CDC14B: variants seen among roughly 807,000 people sequenced by gnomAD.
CDC14B encodes the protein dual specificity protein phosphatase CDC14B.
CDC14B carries 22 observed loss-of-function variants against 64.2 expected under a neutral mutation model. The observed-to-expected ratio is 0.34, with a 90% CI of 0.24 to 0.49. CDC14B has a LOEUF of 0.49. Among genes scored for constraint, CDC14B ranks in the 20% least tolerant of loss-of-function variants. The probability of loss-of-function intolerance (pLI) is 0.99; values close to 1 mark genes in which losing one functional copy is unlikely to be tolerated. For synonymous variants in CDC14B, 191 were observed against 215.8 expected, an observed-to-expected ratio of 0.89 and a Z score of 1.01; for missense variants, 498 against 629.9, an observed-to-expected ratio of 0.79 and a Z score of 2.24.
intron 12 of CDC14B, among the ~76,000 whole-genome samples, chr9:96,511,526 G>A (rs971474655): frequency 6.6e-6 from 1 of 152,186 alleles, no homozygotes; most frequent in South Asian, 2.1e-4. Flanking sequence ...AGCCGAGATC[G>A]TGCCACTGCA....
At chr9:96,493,909 C>A (rs966793450) in intron 13 of CDC14B, among the ~76,000 whole-genome samples, 2 of 152,218 alleles carry the variant, frequency 1.3e-5, no homozygotes, top group African/African-American at 4.8e-5. Flanking sequence ...ACCTCATCCC[C>A]GCGCTCCCAG....
chr9:96,499,020 G>C (rs1460306376), downstream of CDC14B, among the ~76,000 whole-genome samples: 2 of 152,166 alleles, frequency 1.3e-5, no homozygotes, highest in Non-Finnish European at 2.9e-5. Flanking sequence ...CCTCCAAGCC[G>C]GCCCCTTTGC....
intron 1 of CDC14B, among the ~76,000 whole-genome samples, chr9:96,577,017 C>T (rs1015400767): frequency 1.3e-5 from 2 of 152,084 alleles, no homozygotes; most frequent in African/African-American, 4.8e-5. Context: ...CTTTGGGAGG[C>T]CGAGGTGGGT....
rs543930108 is a variant in CDC14B, at chr9:96,619,325, C to G, written c.54G>C (p.Ser18=). ...CCGGCGAGGTCGACGAGCAGCGCCG[C>G]GAGCAGGGGGGCGCGGCGGCCCAGC... ...RSSWAAAPPC[S]RRCSSTSPGV... Residue 18 remains serine, a synonymous_variant, in exon 1 of 14, where the codon TCG becomes TCC. Transcript: ENST00000375241. 3.4e-5 allele frequency: 44 copies of G among 1,290,618 alleles called. No individual in the cohort carries two copies. In the African/African-American group the frequency reaches 6.7e-4, roughly 20 times the overall value. 79.9% of individuals were successfully genotyped at this position (1,290,618 alleles called of 1,614,324 possible).
intron 4 of CDC14B, among the ~76,000 whole-genome samples, chr9:96,558,178 G>C (rs1453466524): frequency 6.6e-6 from 1 of 152,218 alleles, no homozygotes; most frequent in African/African-American, 2.4e-5. Flanking sequence ...GGAGTGAAGA[G>C]AGGTTGGTTC....
At chr9:96,564,386 T>C (rs1396759214) in intron 3 of CDC14B, among the ~76,000 whole-genome samples, 1 of 152,186 alleles carries the variant, frequency 6.6e-6, no homozygotes, top group Admixed American at 6.5e-5. Flanking sequence ...CCAGCTTTCT[T>C]GTTAGTTTGC....
In CDC14B at chr9:96,523,320, C is replaced by G. The variant is rs763115306; in HGVS notation, c.1186G>C (p.Gly396Arg). ...CCATTTATGGAAATGTCATCAACGC[C>G]AGAGAGAAGTTTGGAGAAGGCTGCT... is the stretch of plus-strand genomic sequence containing the variant. Reference protein sequence around the residue: ...HRAAFSKLLSGVDDISINGVE... With the variant: ...HRAAFSKLLSRVDDISINGVE... Residue 396 changes from glycine (G) to arginine (R), a missense_variant, in exon 11 of 14, where the codon GGC becomes CGC. Gly to Arg is a moderately radical substitution (Grantham distance 125). Transcript: ENST00000375241. The G allele has an allele frequency of 5.6e-6, 9 of 1,614,148 alleles. No homozygotes were observed. In the South Asian group the frequency reaches 9.9e-5, roughly 18 times the overall value.
intron 1 of CDC14B, among the ~76,000 whole-genome samples, chr9:96,614,970 A>G (rs533154422): frequency 6.6e-6 from 1 of 152,198 alleles, no homozygotes; most frequent in African/African-American, 2.4e-5. Flanking sequence ...CCTCCCAAGT[A>G]GCTGGGACTA....
chr9:96,590,631 C>G (rs1368705884), intron 1 of CDC14B, among the ~76,000 whole-genome samples: 1 of 151,596 alleles, frequency 6.6e-6, no homozygotes, highest in African/African-American at 2.4e-5. Context: ...TCCACATCCT[C>G]GCCAACATTT....
intron 9 of CDC14B, among the ~76,000 whole-genome samples, chr9:96,524,559 G>A (rs1266105169): frequency 6.6e-6 from 1 of 152,068 alleles, no homozygotes; most frequent in African/African-American, 2.4e-5. Context: ...ATTACCTCCA[G>A]TGATGGTTAA....
intron 12 of CDC14B, among the ~76,000 whole-genome samples, chr9:96,518,020 A>G (rs989403303): frequency 6.6e-6 from 1 of 152,026 alleles, no homozygotes; most frequent in African/African-American, 2.4e-5. Context: ...GCAGTGAGGA[A>G]GGAAACCTCC....
chr9:96,549,528 G>C (rs548736255), intron 5 of CDC14B, among the ~76,000 whole-genome samples: 1 of 152,220 alleles, frequency 6.6e-6, no homozygotes, highest in African/African-American at 2.4e-5. Flanking sequence ...AGCCAGGCGT[G>C]GTGGCACACG....
chr9:96,553,499 T>C (rs1245848350), intron 4 of CDC14B, among the ~76,000 whole-genome samples: 2 of 151,990 alleles, frequency 1.3e-5, no homozygotes, highest in Non-Finnish European at 2.9e-5. Context: ...GCTGGAACTA[T>C]AGGCGTGCAC....
At chr9:96,616,221 G>C (rs975647116) in intron 1 of CDC14B, among the ~76,000 whole-genome samples, 2 of 152,038 alleles carry the variant, frequency 1.3e-5, no homozygotes, top group Non-Finnish European at 2.9e-5. Context: ...AACTACTCAG[G>C]AAGCTGAGGC....
At chr9:96,554,833 A>G (rs768117503) in intron 4 of CDC14B, among the ~76,000 whole-genome samples, 8 of 152,182 alleles carry the variant, frequency 5.3e-5, no homozygotes, top group Non-Finnish European at 8.8e-5. Context: ...TCCCAAATGA[A>G]ATCATTCTAA....
rs542081906 is a variant in CDC14B at position 96,517,390 on chromosome 9, C to A, written c.1343+5116G>T. Among the ~76,000 whole-genome samples, 27 of 146,934 alleles carry A rather than the reference C, an allele frequency of 1.8e-4. No homozygotes were observed. In the East Asian group the frequency reaches 5.5e-3, roughly 30 times the overall value. On this transcript the variant is annotated intron_variant, in intron 12 of 13. Coordinates refer to ENST00000375241, the MANE Select transcript of CDC14B (RefSeq NM_033331.4). The stretch of plus-strand genomic sequence containing the variant: ...AATAAAGGCCGGGCGTGGTGGCTCA[C>A]ACCTGTAATCCCAGCACTTTGGGAG...
At chr9:96,505,652 A>T (rs1834024775) in intron 13 of CDC14B, among the ~76,000 whole-genome samples, 1 of 152,192 alleles carries the variant, frequency 6.6e-6, no homozygotes, top group South Asian at 2.1e-4. Flanking sequence ...AAAGGTTAGC[A>T]TGGATTTATA....
In CDC14B at chr9:96,607,947, GGAAAATA is replaced by G. The variant is rs1847077618; in HGVS notation, c.160+11265_160+11271del. ...GAACAGTTCCTGCTGGTTCTGGAGG[GGAAAATA>G]GAAAACCTTTAAAACCTATTTTAAA... On this transcript the variant is annotated intron_variant, in intron 1 of 13. Transcript: ENST00000375241. Among the ~76,000 whole-genome samples the G allele has an allele frequency of 6.6e-5, 10 of 152,224 alleles. No individual in the cohort carries two copies. The South Asian group carries it at 2.1e-3, about 32-fold the overall frequency.
chr9:96,583,909 G>A (rs375389464), intron 1 of CDC14B, among the ~76,000 whole-genome samples: 10 of 151,846 alleles, frequency 6.6e-5, no homozygotes, highest in Admixed American at 5.3e-4. Context: ...TAGTAGAGAC[G>A]GGGTTTCAGC....
Sources: gnomAD v4.1 joint callset for allele counts (sites outside exome capture counted in the v4.1 genomes callset) on GRCh38, gnomAD v4.1.1 for gene constraint, MANE v1.5 for transcripts, NCBI Gene and HGNC (gene_info 2026-07-23, HGNC 2026-07-21) for gene names.